CSMD1: variants seen among roughly 807,000 people sequenced by gnomAD.
CSMD1 encodes CUB and sushi domain-containing protein 1.
A neutral mutation model predicts 417.5 loss-of-function variants in CSMD1; 213 were observed. The ratio of observed to expected loss-of-function variants is 0.51; its 90% confidence interval spans 0.46 to 0.57. The LOEUF is 0.57. Among genes scored for constraint, CSMD1 ranks in the 20% least tolerant of loss-of-function variants. CSMD1 has a pLI of 0.00. For missense variants in CSMD1, 6,923 were observed against 4,529.7 expected, an observed-to-expected ratio of 1.53 and a Z score of -15.17; for synonymous variants, 2,862 against 1,736.8, an observed-to-expected ratio of 1.65 and a Z score of -16.11.
At chr8:3,141,255 G>C (rs182812984) in intron 41 of CSMD1, among the ~76,000 whole-genome samples, 1 of 152,134 alleles carries the variant, frequency 6.6e-6, no homozygotes, top group African/African-American at 2.4e-5. Context: ...CTGTGAAACC[G>C]CCTTTACAAA....
chr8:4,668,106 T>C (rs1805054520), intron 1 of CSMD1, among the ~76,000 whole-genome samples: 2 of 152,170 alleles, frequency 1.3e-5, no homozygotes, highest in South Asian at 4.1e-4. Flanking sequence ...ACGTGTAGCT[T>C]TTAGCAGATA....
intron 5 of CSMD1, among the ~76,000 whole-genome samples, chr8:3,820,129 C>G (rs1271424827): frequency 6.6e-6 from 1 of 152,196 alleles, no homozygotes; most frequent in Non-Finnish European, 1.5e-5. Flanking sequence ...GCAGTATGAT[C>G]TTGACCCTGG....
At chr8:4,303,919 CT>C (rs1413380564) in intron 3 of CSMD1, among the ~76,000 whole-genome samples, 1 of 152,056 alleles carries the variant, frequency 6.6e-6, no homozygotes, top group Non-Finnish European at 1.5e-5. Flanking sequence ...CCTCTCAGTA[CT>C]TTTCTAAAGA....
chr8:3,367,046 T>C lies in CSMD1; in HGVS notation c.3101A>G (p.Asn1034Ser), dbSNP rs1213969380. The change falls in exon 20 of 70, where the codon AAT becomes AGT. Residue 1034 changes from asparagine to serine, a missense_variant. Physicochemically the swap from Asn to Ser is conservative, Grantham distance 46. Coordinates refer to ENST00000635120, the MANE Select transcript of CSMD1 (RefSeq NM_033225.6). Reference protein sequence around the residue: ...SDFSISYEGFNITFSEYDLEP... With the variant: ...SDFSISYEGFSITFSEYDLEP... Reference sequence around the variant, plus strand: ...GACCAACATACCTGAAAATGTGATATTGAAGCCCTCGTACGAAATTGAGAA... The same window carrying C: ...GACCAACATACCTGAAAATGTGATACTGAAGCCCTCGTACGAAATTGAGAA... The C allele has an allele frequency of 1.1e-5, 17 of 1,613,122 alleles. No individual in the cohort carries two copies. Among genetic ancestry groups the C allele is most frequent in the African/African-American group, 2.7e-5 (2 of 74,894 alleles).
chr8:4,561,633 G>T (rs914475542), intron 2 of CSMD1, among the ~76,000 whole-genome samples: 2 of 152,174 alleles, frequency 1.3e-5, no homozygotes, highest in Admixed American at 6.5e-5. Flanking sequence ...AGTGAGCCAT[G>T]AATGAGCTAC....
intron 3 of CSMD1, among the ~76,000 whole-genome samples, chr8:4,322,864 A>G (rs962306940): frequency 1.3e-5 from 2 of 152,156 alleles, no homozygotes; most frequent in African/African-American, 4.8e-5. Flanking sequence ...AGGCTTTTGT[A>G]GTCCCAGCTA....
At chr8:3,015,448 T>G (rs750099193) in intron 52 of CSMD1, among the ~76,000 whole-genome samples, 2 of 152,092 alleles carry the variant, frequency 1.3e-5, no homozygotes, top group Admixed American at 6.6e-5. Context: ...GGGGTCATCA[T>G]TTTTAGAGTT....
chr8:3,713,982 T>C lies in CSMD1; in HGVS notation c.932-5491A>G, dbSNP rs139754578. Among the ~76,000 whole-genome samples the C allele has an allele frequency of 3.9e-3, 589 of 152,148 alleles. 7 individuals are homozygous for C. Among genetic ancestry groups the C allele is most frequent in the African/African-American group, 0.013 (553 of 41,550 alleles). On this transcript the variant is annotated intron_variant, in intron 6 of 69. Transcript: ENST00000635120. Reference sequence around the variant, plus strand: ...TTTACTACTATTGGTAGCAATAATATTGAAATCTTTGTAAATCCTTAGAAT... The same window carrying C: ...TTTACTACTATTGGTAGCAATAATACTGAAATCTTTGTAAATCCTTAGAAT...
chr8:4,977,013 C>T (rs1158924977), intron 1 of CSMD1, among the ~76,000 whole-genome samples: 1 of 152,096 alleles, frequency 6.6e-6, no homozygotes, highest in Non-Finnish European at 1.5e-5. Flanking sequence ...CATGTGTACT[C>T]GAACTGACCA....
intron 10 of CSMD1, among the ~76,000 whole-genome samples, chr8:3,547,494 C>T (rs1585342468): frequency 1.3e-5 from 2 of 152,154 alleles, no homozygotes; most frequent in Admixed American, 1.3e-4. Flanking sequence ...AACTTCTGAG[C>T]ATATATTTAT....
In CSMD1 at chr8:3,205,587, C is replaced by T; in HGVS notation, c.4901G>A (p.Gly1634Glu). 2 of 1,589,806 alleles carry T rather than the reference C, an allele frequency of 1.3e-6. No individual in the cohort carries two copies. Among genetic ancestry groups the T allele is most frequent in the Non-Finnish European group, 1.7e-6 (2 of 1,165,328 alleles). Residue 1634 changes from glycine (G) to glutamate (E), a missense_variant, in exon 31 of 70, where the codon GGG (glycine) becomes GAG (glutamate). Gly to Glu is a moderately conservative substitution (Grantham distance 98, BLOSUM62 -2). Coordinates refer to ENST00000635120, the MANE Select transcript of CSMD1 (RefSeq NM_033225.6). Reference protein sequence around the residue: ...PCGGQYTGSEGVVLSPNYPHN... With the variant: ...PCGGQYTGSEEVVLSPNYPHN... Reference sequence around the variant, plus strand: ...GGGGTAGTTTGGTGATAAAACTACCCCTTCTGATCCCGTGTACTGGCCTCC... The same window carrying T: ...GGGGTAGTTTGGTGATAAAACTACCTCTTCTGATCCCGTGTACTGGCCTCC...
At chr8:4,581,404 T>C (rs921808556) in intron 2 of CSMD1, among the ~76,000 whole-genome samples, 10 of 152,214 alleles carry the variant, frequency 6.6e-5, no homozygotes, top group East Asian at 5.8e-4. Context: ...AAGATATGAC[T>C]CCAATTTTTA....
At chr8:2,972,548 AG>A (rs1018573378) in intron 57 of CSMD1, among the ~76,000 whole-genome samples, 11 of 152,220 alleles carry the variant, frequency 7.2e-5, no homozygotes, top group African/African-American at 2.7e-4. Flanking sequence ...AGTGTCTATA[AG>A]GTGTCCGTGG....
Position 3,907,636 on chromosome 8 carries a change from G to C in CSMD1, c.818+90267C>G, listed in dbSNP as rs140095028. On this transcript the variant is annotated intron_variant, in intron 5 of 69. Coordinates refer to ENST00000635120, the MANE Select transcript of CSMD1 (RefSeq NM_033225.6). ...AGCCTAAGTTCAGGCTCATTGATGA[G>C]ATGCCACCTTTCACTTTGTATTAGG... 7.6e-3 allele frequency among the ~76,000 whole-genome samples: 1,151 copies of C among 152,264 alleles called. 16 individuals are homozygous for C. The highest frequency in any genetic ancestry group is 0.027 in the African/African-American group (1,108 of 41,568).
intron 48 of CSMD1, among the ~76,000 whole-genome samples, chr8:3,091,000 T>C (rs953776773): frequency 2.6e-5 from 4 of 152,094 alleles, no homozygotes; most frequent in Non-Finnish European, 4.4e-5. Flanking sequence ...ATAATTTACA[T>C]TTTGATGAGG....
intron 26 of CSMD1, among the ~76,000 whole-genome samples, chr8:3,231,045 A>G (rs915021628): frequency 1.3e-5 from 2 of 151,962 alleles, no homozygotes; most frequent in African/African-American, 2.4e-5. Flanking sequence ...GCAGCCATCG[A>G]CTCTGCCTGC....
At chr8:4,481,073 T>C (rs1801073111) in intron 2 of CSMD1, among the ~76,000 whole-genome samples, 1 of 152,230 alleles carries the variant, frequency 6.6e-6, no homozygotes, top group African/African-American at 2.4e-5. Flanking sequence ...TATCTAAATA[T>C]CACCTAAGTA....
chr8:4,383,839 A>C (rs531942814), intron 3 of CSMD1, among the ~76,000 whole-genome samples: 55 of 152,332 alleles, frequency 3.6e-4, no homozygotes, highest in Admixed American at 1.5e-3. Flanking sequence ...ACTTGAAAAT[A>C]ATAACATGGA....
intron 52 of CSMD1, among the ~76,000 whole-genome samples, chr8:3,017,116 C>G (rs1382213717): frequency 6.6e-6 from 1 of 152,328 alleles, no homozygotes; most frequent in African/African-American, 2.4e-5. Context: ...GAGCAGCAAT[C>G]AACTGTAAGT....
Sources: allele counts gnomAD v4.1 joint callset (sites outside exome capture counted in the v4.1 genomes callset), GRCh38; gene constraint gnomAD v4.1.1; transcripts MANE v1.5; gene names NCBI Gene and HGNC (gene_info 2026-07-23, HGNC 2026-07-21).